ZNF710: variants seen among roughly 807,000 people sequenced by gnomAD.
The protein encoded by ZNF710 is zinc finger protein 710.
In ZNF710, 13 loss-of-function variants were observed where a neutral mutation model predicts 50.6. The observed-to-expected ratio is 0.26, with a 90% confidence interval of 0.17 to 0.41. ZNF710 has a LOEUF of 0.41. ZNF710 is among the 10% of genes least tolerant of loss of function. The pLI, the probability that ZNF710 is intolerant of heterozygous loss-of-function variation, is 1.00. For missense variants in ZNF710, 721 were observed against 936.6 expected (o/e 0.77, Z 3.01); for synonymous variants, 383 against 397.0 (o/e 0.96, Z 0.42).
upstream of ZNF710, among the ~76,000 whole-genome samples, chr15:89,999,147 T>C (rs549888188): frequency 1.1e-4 from 16 of 152,330 alleles, no homozygotes; most frequent in African/African-American, 3.4e-4. Flanking sequence ...CACAGCCTAA[T>C]CTAGACACGA....
chr15:90,068,706 G>A lies in ZNF710; in HGVS notation c.1458+111G>A, dbSNP rs906158440. On this transcript the variant is annotated intron_variant, in intron 2 of 4. Coordinates refer to ENST00000268154, the MANE Select transcript of ZNF710 (RefSeq NM_198526.4). The surrounding 1 kb of genome is among the most constrained non-coding windows in gnomAD (Gnocchi z 5.0). ...ATTTAGGTGGTCTCCTAGTTTTATC[G>A]TTACGTACTTATTTTGATGAGTATT... is the stretch of plus-strand genomic sequence containing the variant. 20 of 1,208,178 alleles carry A rather than the reference G, an allele frequency of 1.7e-5. No homozygotes were observed. The highest frequency in any genetic ancestry group is 4.6e-5 in the African/African-American group (3 of 65,588). 74.8% of individuals were successfully genotyped at this position (1,208,178 alleles called of 1,614,324 possible). A position where few individuals can be genotyped will look rare whatever the true frequency, so the allele number is the denominator to read the frequency against.
chr15:90,039,404 A>G (rs147772085), intron 1 of ZNF710, among the ~76,000 whole-genome samples: 2 of 152,242 alleles, frequency 1.3e-5, no homozygotes, highest in Non-Finnish European at 2.9e-5. Context: ...CAGGTCCACT[A>G]TCTTAGGCAA....
chr15:90,062,270 A>G lies in ZNF710; in HGVS notation c.-28-4840A>G, dbSNP rs1900034650. ...CCTCCCTTCCCCCACTCCCAGCACA[A>G]CTACAATCAGGCAGCTCATCTGTGT... On this transcript the variant is annotated intron_variant, in intron 1 of 4. Transcript: ENST00000268154. This position sits in a 1 kb window ranked among gnomAD's most constrained non-coding sequence, Gnocchi z 5.6. 1.3e-5 allele frequency among the ~76,000 whole-genome samples: 2 copies of G among 149,386 alleles called. No individual in the cohort carries two copies. The highest frequency in any genetic ancestry group is 4.2e-4 in the South Asian group (2 of 4,744).
In ZNF710 at chr15:90,068,065, C is replaced by T. The variant is rs377568741; in HGVS notation, c.928C>T (p.Leu310=). 34 of 1,614,144 alleles carry T rather than the reference C, an allele frequency of 2.1e-5. No homozygotes were observed. Among genetic ancestry groups the T allele is most frequent in the Non-Finnish European group, 2.7e-5 (32 of 1,180,058 alleles). Residue 310 remains leucine (L), a synonymous_variant, in exon 2 of 5, where the codon CTG becomes TTG. Coordinates refer to ENST00000268154, the MANE Select transcript of ZNF710 (RefSeq NM_198526.4). The surrounding 1 kb of genome is among the most constrained non-coding windows in gnomAD (Gnocchi z 5.0). Reference sequence around the variant, plus strand: ...GAAGTCCTACACGTCCAAGTACAACCTGGTGACGCACATCCTGGGCCACAA... The same window carrying T: ...GAAGTCCTACACGTCCAAGTACAACTTGGTGACGCACATCCTGGGCCACAA... ...CEKSYTSKYN[L]VTHILGHNGI...
chr15:90,006,477 G>A (rs1194677628), intron 1 of ZNF710, among the ~76,000 whole-genome samples: 5 of 152,276 alleles, frequency 3.3e-5, no homozygotes, highest in East Asian at 1.9e-4. Flanking sequence ...TGCAGGTCCC[G>A]TCCTCGTGAA....
chr15:90,039,519 C>G (rs570314423), intron 1 of ZNF710, among the ~76,000 whole-genome samples: 2 of 152,196 alleles, frequency 1.3e-5, no homozygotes, highest in Non-Finnish European at 2.9e-5. Flanking sequence ...TCATTTCACT[C>G]CTGGATCCAA....
intron 1 of ZNF710, among the ~76,000 whole-genome samples, chr15:90,032,479 T>C (rs1898977633): frequency 6.6e-6 from 1 of 152,076 alleles, no homozygotes; most frequent in Non-Finnish European, 1.5e-5. Flanking sequence ...AAGTAACAAT[T>C]AAGAATGTGT....
chr15:90,054,461 G>A (rs988729038), intron 1 of ZNF710, among the ~76,000 whole-genome samples: 1 of 152,228 alleles, frequency 6.6e-6, no homozygotes, highest in Non-Finnish European at 1.5e-5. Context: ...CCATCCCTGA[G>A]AGCTGAGGTG....
chr15:90,067,981 G>A lies in ZNF710; in HGVS notation c.844G>A (p.Asp282Asn), dbSNP rs1352061669. 11 of 1,614,064 alleles carry A rather than the reference G, an allele frequency of 6.8e-6. No individual in the cohort carries two copies. The highest frequency in any genetic ancestry group is 1.3e-5 in the African/African-American group (1 of 74,962). The change falls in exon 2 of 5, where the codon GAC becomes AAC. Residue 282 changes from aspartate to asparagine, a missense_variant. This residue lies in a region of ZNF710 where 326 missense variants were observed against 522.0 expected (regional missense o/e 0.62). Coordinates refer to ENST00000268154, the MANE Select transcript of ZNF710 (RefSeq NM_198526.4). This position sits in a 1 kb window ranked among gnomAD's most constrained non-coding sequence, Gnocchi z 8.1. Reference protein sequence around the residue: ...DRLDINVQIDDSYLVEAGDRQ... With the variant: ...DRLDINVQIDNSYLVEAGDRQ... The stretch of plus-strand genomic sequence containing the variant: ...GCTGGACATCAACGTGCAGATTGAC[G>A]ACTCCTATCTGGTGGAGGCGGGCGA...
In ZNF710 at chr15:90,050,102, A is replaced by G. The variant is rs916089192; in HGVS notation, c.-28-17008A>G. On this transcript the variant is annotated intron_variant, in intron 1 of 4. Coordinates refer to ENST00000268154, the MANE Select transcript of ZNF710 (RefSeq NM_198526.4). ...TGTACGCTATCAGCTGATACGTTGC[A>G]CCAGCTGTCCCTCCCCCCAGGAGAT... 2.0e-5 allele frequency among the ~76,000 whole-genome samples: 3 copies of G among 152,232 alleles called. 1 individual carries two copies. The highest frequency in any genetic ancestry group is 4.4e-5 in the Non-Finnish European group (3 of 68,046).
At position 90,067,111 on chromosome 15, in the gene ZNF710, G is replaced by A. The variant is rs371470602; in HGVS notation, c.-27G>A. Reference sequence around the variant, plus strand: ...TAACCTTCCCTTCTCCACCCACAGCGATGCCCTCCTAGCTAGCCGTCACGG... The same window carrying A: ...TAACCTTCCCTTCTCCACCCACAGCAATGCCCTCCTAGCTAGCCGTCACGG... On this transcript the variant is annotated splice_region_variant and 5_prime_UTR_variant, in exon 2 of 5. Coordinates refer to ENST00000268154, the MANE Select transcript of ZNF710 (RefSeq NM_198526.4). This position sits in a 1 kb window ranked among gnomAD's most constrained non-coding sequence, Gnocchi z 8.1. 45 of 1,563,718 alleles carry A rather than the reference G, an allele frequency of 2.9e-5. No individual in the cohort carries two copies. The highest frequency in any genetic ancestry group is 9.4e-5 in the Admixed American group (5 of 53,318).
At chr15:90,009,090 C>G (rs74035091) in intron 1 of ZNF710, among the ~76,000 whole-genome samples, 2,131 of 151,834 alleles carry the variant, frequency 0.014, 52 homozygotes, top group African/African-American at 0.049. Context: ...TGTGATAACT[C>G]TTGGTTATGT....
At chr15:90,038,467 A>G (rs967564478) in intron 1 of ZNF710, among the ~76,000 whole-genome samples, 7 of 152,238 alleles carry the variant, frequency 4.6e-5, no homozygotes, top group Non-Finnish European at 7.3e-5. Context: ...CCCACCGTTA[A>G]GTACGTCAGC....
At chr15:90,037,209 G>A (rs1039223055) in intron 1 of ZNF710, among the ~76,000 whole-genome samples, 8 of 152,142 alleles carry the variant, frequency 5.3e-5, no homozygotes, top group African/African-American at 1.7e-4. Flanking sequence ...TTCATTCCCC[G>A]GGTGGCCCAC....
intron 1 of ZNF710, among the ~76,000 whole-genome samples, chr15:90,014,865 C>T (rs1159016971): frequency 6.6e-6 from 1 of 150,402 alleles, no homozygotes; most frequent in African/African-American, 2.4e-5. Context: ...TCCTACAAGT[C>T]ATTAAGAAAA....
At chr15:90,000,369 G>A (rs929275421), upstream of ZNF710, among the ~76,000 whole-genome samples, 4 of 152,134 alleles carry the variant, frequency 2.6e-5, no homozygotes, top group African/African-American at 4.8e-5. Context: ...CGCCGGAGCT[G>A]GAGGGCGGCG....
intron 1 of ZNF710, among the ~76,000 whole-genome samples, chr15:90,026,184 C>T (rs1351814364): frequency 7.2e-6 from 1 of 138,540 alleles, no homozygotes; most frequent in Non-Finnish European, 1.5e-5. Flanking sequence ...TTTAAACAAA[C>T]AGTAAAGTAG....
At chr15:90,031,164 G>A (rs898120294) in intron 1 of ZNF710, among the ~76,000 whole-genome samples, 12 of 152,124 alleles carry the variant, frequency 7.9e-5, no homozygotes, top group Non-Finnish European at 2.9e-5. Context: ...TTGTGGACCC[G>A]ACAGTTGGTG....
intron 1 of ZNF710, among the ~76,000 whole-genome samples, chr15:90,001,995 G>C (rs1898024988): frequency 1.4e-5 from 2 of 147,842 alleles, no homozygotes; most frequent in Admixed American, 6.7e-5. Flanking sequence ...GAGAGAGAGA[G>C]AGGCAAAAAT....
Sources: gnomAD v4.1 joint callset for allele counts (sites outside exome capture counted in the v4.1 genomes callset) on GRCh38, gnomAD v4.1.1 for gene constraint, gnomAD v4.1.1 regional missense constraint, Gnocchi (gnomAD v3.1) non-coding constraint, MANE v1.5 for transcripts, NCBI Gene and HGNC (gene_info 2026-07-23, HGNC 2026-07-21) for gene names.